The following FANCC variants were observed in gnomAD, a reference collection of about 807,000 sequenced individuals.
FANCC encodes the protein Fanconi anemia group C protein.
FANCC carries 55 observed loss-of-function variants against 71.3 expected under a neutral mutation model. The ratio of observed to expected loss-of-function variants is 0.77; its 90% CI spans 0.62 to 0.97. The LOEUF is 0.97. Ranked by LOEUF, FANCC falls within the 50% of genes least tolerant of loss-of-function variation. FANCC has a pLI of 0.00. For synonymous variants in FANCC, 275 were observed against 244.9 expected, an observed-to-expected ratio of 1.12 and a Z score of -1.15; for missense variants, 678 against 670.9, an observed-to-expected ratio of 1.01 and a Z score of -0.12.
intron 1 of FANCC, among the ~76,000 whole-genome samples, chr9:95,252,274 C>CAAAAAAAAAAAAAAAAAAAAA (rs71366284): frequency 2.2e-4 from 11 of 50,098 alleles, no homozygotes; most frequent in African/African-American, 3.1e-4. Flanking sequence ...GAGACTGATT[C>CAAAAAAAAAAAAAAAAAAAAA]AAAAAAAAAA....
At chr9:95,247,343 AC>A in intron 3 of FANCC, 88 bp downstream of exon 3, 2 of 960,658 alleles carry the variant, frequency 2.1e-6, no homozygotes, top group Non-Finnish European at 3.3e-6. Flanking sequence ...AAAAAAAAAA[AC>A]TAGGAGAAAG....
In FANCC at chr9:95,171,110, T is replaced by C. The variant is rs374366585; in HGVS notation, c.490A>G (p.Asn164Asp). ...TGAGTGTTAAATCCATTAAGATGATTCTCTCTGAGTTCAGACGCTAATGAT... is the reference window on the plus strand; with the variant it reads ...TGAGTGTTAAATCCATTAAGATGATCCTCTCTGAGTTCAGACGCTAATGAT... ...VLSLASELRE[N>D]HLNGFNTQRR... Residue 164 changes from asparagine to aspartate, a missense_variant, in exon 6 of 15, where the codon AAT becomes GAT. Physicochemically the swap from Asn to Asp is conservative, Grantham distance 23. Transcript: ENST00000289081. 2 of 1,613,434 alleles carry C rather than the reference T, an allele frequency of 1.2e-6. No homozygotes were observed. The highest frequency in any genetic ancestry group is 1.3e-5 in the African/African-American group (1 of 74,884).
intron 1 of FANCC, among the ~76,000 whole-genome samples, chr9:95,256,574 C>T (rs939930542): frequency 9.9e-5 from 15 of 151,924 alleles, no homozygotes; most frequent in African/African-American, 2.9e-4. Flanking sequence ...TACCAGCCAC[C>T]GCAAAAAAAT....
At chr9:95,207,932 A>G (rs1828237669) in intron 4 of FANCC, among the ~76,000 whole-genome samples, 1 of 152,022 alleles carries the variant, frequency 6.6e-6, no homozygotes, top group Non-Finnish European at 1.5e-5. Context: ...AGACTAGACT[A>G]CATTCAGGAG....
rs181354278 is a variant in FANCC at position 95,199,856 on chromosome 9, C to T, written c.346-27709G>A. On this transcript the variant is annotated intron_variant, in intron 4 of 14. Transcript: ENST00000289081. ...TTTTACATTTTAAGAACCCTCTATA[C>T]AACAGAGAGGACATTTATTAGATAA... Among the ~76,000 whole-genome samples the T allele has an allele frequency of 2.6e-5, 4 of 152,272 alleles. No individual in the cohort carries two copies. The East Asian group carries it at 7.7e-4, about 29-fold the overall frequency.
intron 10 of FANCC, among the ~76,000 whole-genome samples, chr9:95,121,111 T>C (rs1462517357): frequency 1.3e-5 from 2 of 152,240 alleles, no homozygotes; most frequent in African/African-American, 4.8e-5. Flanking sequence ...TTTTTAAAAA[T>C]ACTTTGCCTG....
intron 3 of FANCC, among the ~76,000 whole-genome samples, chr9:95,242,288 G>C (rs1461502066): frequency 1.3e-5 from 2 of 152,072 alleles, no homozygotes; most frequent in East Asian, 3.9e-4. Context: ...GGATTCTTCA[G>C]GTTTAACCAA....
chr9:95,114,373 A>G, intron 12 of FANCC: 1 of 522,308 alleles, frequency 1.9e-6, no homozygotes, highest in Non-Finnish European at 3.5e-6. Context: ...ATCTAAAACC[A>G]GACGTTAATG....
At position 95,304,761 on chromosome 9, in the gene FANCC, A is replaced by T. The variant is rs945845530; in HGVS notation, c.-79+12765T>A. ...CAAGACTCTATCTCAAAAAAAAAAA[A>T]AAAAAAAAAAAAAAGGGAAAACAGA... On this transcript the variant is annotated intron_variant, in intron 1 of 14. Coordinates refer to ENST00000289081, the MANE Select transcript of FANCC (RefSeq NM_000136.3). Among the ~76,000 whole-genome samples, 41 of 151,118 alleles carry T rather than the reference A, an allele frequency of 2.7e-4. 1 individual carries two copies. The highest frequency in any genetic ancestry group is 8.7e-4 in the African/African-American group (36 of 41,282).
At chr9:95,276,564 A>G (rs1283001235) in intron 1 of FANCC, among the ~76,000 whole-genome samples, 1 of 152,126 alleles carries the variant, frequency 6.6e-6, no homozygotes, top group Non-Finnish European at 1.5e-5. Flanking sequence ...TCCTTGTCAT[A>G]CCCCAAGAAT....
At chr9:95,203,615 T>C (rs917423796) in intron 4 of FANCC, among the ~76,000 whole-genome samples, 5 of 152,150 alleles carry the variant, frequency 3.3e-5, no homozygotes, top group Non-Finnish European at 5.9e-5. Flanking sequence ...CCTATCACTA[T>C]TTACTGTACT....
chr9:95,241,979 G>A (rs1049409901), intron 3 of FANCC, among the ~76,000 whole-genome samples: 6 of 152,076 alleles, frequency 3.9e-5, no homozygotes, highest in Admixed American at 6.5e-5. Context: ...CATTTCTAAG[G>A]ACTTCATTAA....
intron 4 of FANCC, among the ~76,000 whole-genome samples, chr9:95,198,936 C>T (rs995234730): frequency 7.2e-5 from 11 of 151,952 alleles, no homozygotes; most frequent in African/African-American, 2.4e-4. Context: ...GCCAGGGTGT[C>T]GCTATGTTGC....
chr9:95,129,560 C>G (rs1391506636), intron 8 of FANCC, among the ~76,000 whole-genome samples: 2 of 152,194 alleles, frequency 1.3e-5, no homozygotes, highest in African/African-American at 4.8e-5. Flanking sequence ...AGCCCCATGA[C>G]TGCGGCCATT....
At chr9:95,197,326 C>T (rs1233856026) in intron 4 of FANCC, among the ~76,000 whole-genome samples, 8 of 152,136 alleles carry the variant, frequency 5.3e-5, no homozygotes, top group Admixed American at 5.2e-4. Context: ...TGTTTGAGCC[C>T]AGAAGTTCCA....
At chr9:95,247,899 G>T (rs1198783620) in intron 2 of FANCC, among the ~76,000 whole-genome samples, 1 of 152,030 alleles carries the variant, frequency 6.6e-6, no homozygotes, top group Non-Finnish European at 1.5e-5. Flanking sequence ...CTTTATCCTG[G>T]TTTTTTTATT....
intron 1 of FANCC, among the ~76,000 whole-genome samples, chr9:95,303,282 G>C (rs1005005722): frequency 1.3e-5 from 2 of 152,338 alleles, no homozygotes; most frequent in South Asian, 4.1e-4. Flanking sequence ...GGTCAGCACA[G>C]ATCTAGAACC....
chr9:95,139,637 G>A (rs919647565), intron 7 of FANCC, among the ~76,000 whole-genome samples: 5 of 151,694 alleles, frequency 3.3e-5, no homozygotes, highest in Non-Finnish European at 7.4e-5. Flanking sequence ...AGCAGGCTCT[G>A]GAGTGATGTG....
chr9:95,203,378 C>CA (rs55960295), intron 4 of FANCC, among the ~76,000 whole-genome samples: 1,055 of 104,640 alleles, frequency 0.01, 38 homozygotes, highest in African/African-American at 0.036. Flanking sequence ...GACCCTGTCT[C>CA]AAAAAAAAAA....
Sources: gnomAD v4.1 joint callset for allele counts (sites outside exome capture counted in the v4.1 genomes callset) on GRCh38, gnomAD v4.1.1 for gene constraint, MANE v1.5 for transcripts, NCBI Gene and HGNC (gene_info 2026-07-23, HGNC 2026-07-21) for gene names.